Variants in SERAC1 observed in about 807,000 individuals in gnomAD.
The protein encoded by SERAC1 is protein SERAC1.
SERAC1 carries 36 observed loss-of-function variants against 85.7 expected under a neutral mutation model. The ratio of observed to expected loss-of-function variants is 0.42; its 90% CI spans 0.32 to 0.55. SERAC1 has a LOEUF of 0.55. Among genes scored for constraint, SERAC1 ranks in the 20% least tolerant of loss-of-function variants. The pLI, the probability that SERAC1 is intolerant of heterozygous loss-of-function variation, is 0.11. For synonymous variants in SERAC1, 242 were observed against 265.3 expected, an observed-to-expected ratio of 0.91 and a Z score of 0.85; for missense variants, 629 against 796.2, an observed-to-expected ratio of 0.79 and a Z score of 2.53.
At chr6:158,121,308 A>G (rs974685464) in intron 10 of SERAC1, among the ~76,000 whole-genome samples, 4 of 152,114 alleles carry the variant, frequency 2.6e-5, no homozygotes, top group South Asian at 2.1e-4. Context: ...CTTTTTCGCT[A>G]TATCTATTTT....
intron 1 of SERAC1, among the ~76,000 whole-genome samples, chr6:158,160,194 C>T (rs1252346985): frequency 6.6e-6 from 1 of 151,682 alleles, no homozygotes; most frequent in African/African-American, 2.4e-5. Flanking sequence ...GCGCACTTGT[C>T]GATTTACCCC....
intron 10 of SERAC1, among the ~76,000 whole-genome samples, chr6:158,121,468 G>A (rs145822590): frequency 5.8e-4 from 89 of 152,238 alleles, no homozygotes; most frequent in African/African-American, 2.0e-3. Flanking sequence ...TTTAGCAACT[G>A]AACTAGAGGA....
At chr6:158,121,641 G>GACTC (rs1393610383) in intron 10 of SERAC1, among the ~76,000 whole-genome samples, 1 of 152,036 alleles carries the variant, frequency 6.6e-6, no homozygotes, top group Admixed American at 6.5e-5. Flanking sequence ...AGAAGCTTCA[G>GACTC]ACTCAGTACT....
At chr6:158,162,542 C>T (rs1785510820) in intron 1 of SERAC1, among the ~76,000 whole-genome samples, 1 of 152,072 alleles carries the variant, frequency 6.6e-6, no homozygotes, top group Non-Finnish European at 1.5e-5. Flanking sequence ...TAACAATTAC[C>T]ACTTTGACCC....
chr6:158,131,928 A>G (rs898233185), intron 8 of SERAC1, among the ~76,000 whole-genome samples: 2 of 152,202 alleles, frequency 1.3e-5, no homozygotes, highest in African/African-American at 4.8e-5. Context: ...ACTGATATAT[A>G]CCAATCTCCA....
chr6:158,118,130 A>C (rs541123402), intron 12 of SERAC1, among the ~76,000 whole-genome samples: 1 of 152,240 alleles, frequency 6.6e-6, no homozygotes, highest in Non-Finnish European at 1.5e-5. Flanking sequence ...GAAAGAATTT[A>C]GTAGAATGCT....
intron 6 of SERAC1, chr6:158,145,145 G>A (rs1785024994): frequency 6.6e-6 from 1 of 152,282 alleles, no homozygotes; most frequent in African/African-American, 2.4e-5. Context: ...TCGGGAGGCT[G>A]AGGCAGGAAA....
intron 10 of SERAC1, among the ~76,000 whole-genome samples, chr6:158,125,374 T>G (rs1199181543): frequency 6.6e-6 from 1 of 152,182 alleles, no homozygotes. Flanking sequence ...GCAGGCTAGC[T>G]TGCCCTTCAG....
intron 10 of SERAC1, among the ~76,000 whole-genome samples, chr6:158,121,810 C>A (rs1784428672): frequency 6.6e-6 from 1 of 151,940 alleles, no homozygotes; most frequent in Non-Finnish European, 1.5e-5. Context: ...AATGAAGTCA[C>A]AAGAAAAAGC....
chr6:158,133,722 G>A (rs1392251451), intron 8 of SERAC1, among the ~76,000 whole-genome samples: 1 of 152,126 alleles, frequency 6.6e-6, no homozygotes, highest in African/African-American at 2.4e-5. Context: ...TACAACCTTA[G>A]AGCTCTGTGA....
chr6:158,151,480 G>A (rs987164804), intron 3 of SERAC1, among the ~76,000 whole-genome samples: 9 of 151,996 alleles, frequency 5.9e-5, no homozygotes, highest in Non-Finnish European at 1.3e-4. Flanking sequence ...GAAGTGCAGT[G>A]GCACAATCTC....
intron 8 of SERAC1, among the ~76,000 whole-genome samples, chr6:158,140,200 G>A (rs181600543): frequency 6.6e-5 from 10 of 152,268 alleles, no homozygotes; most frequent in Admixed American, 5.9e-4. Flanking sequence ...ACTGGTGGAC[G>A]GAGGGCCCCT....
intron 3 of SERAC1, 22 bp from the exon 4 acceptor site, chr6:158,150,611 G>A (rs762363850): frequency 9.0e-5 from 136 of 1,518,488 alleles, no homozygotes; most frequent in Non-Finnish European, 2.5e-5. Flanking sequence ...AAGAAAAAAT[G>A]CATCATAAAT....
chr6:158,162,427 CTACTT>C (rs1282738071), intron 1 of SERAC1, among the ~76,000 whole-genome samples: 2 of 152,142 alleles, frequency 1.3e-5, no homozygotes, highest in Non-Finnish European at 2.9e-5. Context: ...TTACAATTCT[CTACTT>C]TATGTCTGGG....
intron 8 of SERAC1, among the ~76,000 whole-genome samples, chr6:158,138,039 A>G (rs1784834148): frequency 6.6e-6 from 1 of 152,190 alleles, no homozygotes; most frequent in African/African-American, 2.4e-5. Context: ...CAAACACATG[A>G]TATGTTAACT....
At chr6:158,118,920 A>C in intron 12 of SERAC1, 109 bp downstream of exon 12, 3 of 1,322,440 alleles carry the variant, frequency 2.3e-6, no homozygotes, top group Non-Finnish European at 3.1e-6. Flanking sequence ...GGAAAGAAGA[A>C]CTGCATGGGA....
chr6:158,162,229 T>C (rs1785504922), intron 1 of SERAC1: 1 of 152,212 alleles, frequency 6.6e-6, no homozygotes, highest in Non-Finnish European at 1.5e-5. Context: ...TGTGTCTCAC[T>C]TTCCTCATCT....
chr6:158,126,961 G>GA (rs1407081672), intron 10 of SERAC1, among the ~76,000 whole-genome samples: 2 of 151,970 alleles, frequency 1.3e-5, no homozygotes, highest in Non-Finnish European at 2.9e-5. Flanking sequence ...GCTGAGGTGG[G>GA]AGGATCCATT....
At chr6:158,166,729 CT>C (rs1327911532) in intron 1 of SERAC1, among the ~76,000 whole-genome samples, 11 of 152,080 alleles carry the variant, frequency 7.2e-5, no homozygotes, top group African/African-American at 2.7e-4. Context: ...TTCTAGGTAC[CT>C]TTAGTTTTGA....
Sources: allele counts gnomAD v4.1 joint callset (sites outside exome capture counted in the v4.1 genomes callset), GRCh38; gene constraint gnomAD v4.1.1; transcripts MANE v1.5; gene names NCBI Gene and HGNC (gene_info 2026-07-23, HGNC 2026-07-21).